The following MALT1 variants were observed in gnomAD, a reference collection of about 807,000 sequenced individuals.
MALT1 encodes MALT1 paracaspase.
Under a neutral mutation model 85.5 loss-of-function variants are expected in MALT1, and 36 were observed. That is an observed-to-expected ratio of 0.42 (90% CI 0.32 to 0.56). MALT1 has a LOEUF of 0.56. MALT1 is among the 20% of genes least tolerant of loss of function. MALT1 has a pLI of 0.10. For synonymous variants in MALT1, 359 were observed against 361.3 expected (o/e 0.99, Z 0.07); for missense variants, 716 against 981.6 (o/e 0.73, Z 3.62).
chr18:58,728,527 C>T (rs1485413611), intron 10 of MALT1, among the ~76,000 whole-genome samples: 2 of 152,132 alleles, frequency 1.3e-5, no homozygotes, highest in African/African-American at 4.8e-5. Context: ...ATAGCTTGAG[C>T]CTGTGAGGTC....
In MALT1 at chr18:58,754,178, T is replaced by G. The variant is rs573078812; in HGVS notation, c.*6336T>G. 2.0e-5 allele frequency: 3 copies of G among 152,330 alleles called. No individual in the cohort carries two copies. In the South Asian group the frequency reaches 6.2e-4, roughly 32 times the overall value. The allele number at this position is 152,330 out of a possible 1,614,324, so 9.4% of individuals were successfully genotyped here. On this transcript the variant is annotated 3_prime_UTR_variant, in exon 17 of 17. Transcript: ENST00000649217. ...GCTAGTAAGGGCAGAGCCAGGATGA[T>G]TCAGACCCAGACCAGAGCCGGGTGT...
At chr18:58,690,449 TG>T in intron 2 of MALT1, 1 of 161,490 alleles carries the variant, frequency 6.2e-6, no homozygotes. Context: ...AGCCTGTGAG[TG>T]GGGCATGCAC....
At chr18:58,707,932 G>A (rs1160254036) in intron 4 of MALT1, among the ~76,000 whole-genome samples, 1 of 152,178 alleles carries the variant, frequency 6.6e-6, no homozygotes, top group Non-Finnish European at 1.5e-5. Context: ...TACAGCTCTA[G>A]TGCCAAACTG....
chr18:58,672,246 C>T (rs1036837260), intron 1 of MALT1: 1 of 165,842 alleles, frequency 6.0e-6, no homozygotes, highest in East Asian at 1.7e-4. Context: ...GTGGACACTG[C>T]TCTGGGAGAC....
intron 6 of MALT1, 119 bp from the exon 7 acceptor site, chr18:58,710,802 T>C: frequency 1.6e-6 from 1 of 643,658 alleles, no homozygotes; most frequent in Non-Finnish European, 2.7e-6. Context: ...TTGGAGGTAT[T>C]GATGCATGTG....
At chr18:58,710,408 G>A (rs2054815891) in intron 6 of MALT1, among the ~76,000 whole-genome samples, 1 of 152,130 alleles carries the variant, frequency 6.6e-6, no homozygotes, top group Non-Finnish European at 1.5e-5. Flanking sequence ...TTTTGGCCAG[G>A]TGCAGTGGCT....
rs111451098 is a variant in MALT1, at chr18:58,738,136, A to G, written c.1603+2807A>G. ...TCCCTTCCCCCACTCCATGATAACT[A>G]CCATTCTAAACTTATTCCTTTTTCG... On this transcript the variant is annotated intron_variant, in intron 13 of 16. Transcript: ENST00000649217. Among the ~76,000 whole-genome samples the G allele has an allele frequency of 8.4e-3, 1,273 of 152,230 alleles. 18 individuals are homozygous for G. Among genetic ancestry groups the G allele is most frequent in the African/African-American group, 0.029 (1,217 of 41,526 alleles).
chr18:58,719,914 A>G (rs1487388207), intron 9 of MALT1, among the ~76,000 whole-genome samples: 4 of 133,134 alleles, frequency 3.0e-5, no homozygotes, highest in Admixed American at 6.9e-5. Flanking sequence ...AGCATTTACT[A>G]TATGCCAGCT....
At chr18:58,741,459 AAAG>A (rs2055301059) in intron 13 of MALT1, 1 of 152,488 alleles carries the variant, frequency 6.6e-6, no homozygotes, top group African/African-American at 2.4e-5. Flanking sequence ...TTTTTAAAAA[AAAG>A]AACCTTACTA....
At chr18:58,672,447 C>T (rs917813503) in intron 1 of MALT1, 1 of 152,040 alleles carries the variant, frequency 6.6e-6, no homozygotes, top group Admixed American at 6.5e-5. Context: ...AACTATTTTC[C>T]TTGTTAGGTT....
chr18:58,723,736 G>A (rs1335060169), intron 10 of MALT1, among the ~76,000 whole-genome samples: 2 of 152,032 alleles, frequency 1.3e-5, no homozygotes, highest in African/African-American at 4.8e-5. Flanking sequence ...TTGGTGGATG[G>A]GGCATATAAT....
intron 9 of MALT1, among the ~76,000 whole-genome samples, chr18:58,717,912 C>T (rs2054927117): frequency 6.6e-6 from 1 of 152,104 alleles, no homozygotes; most frequent in African/African-American, 2.4e-5. Flanking sequence ...CCATCATATT[C>T]TGTAGAGAGG....
At chr18:58,726,039 C>T (rs1351578943) in intron 10 of MALT1, among the ~76,000 whole-genome samples, 1 of 152,106 alleles carries the variant, frequency 6.6e-6, no homozygotes, top group African/African-American at 2.4e-5. Context: ...CCAGCCTGGG[C>T]AACAAAGCGA....
chr18:58,713,202 A>C (rs2054855238), intron 7 of MALT1, among the ~76,000 whole-genome samples: 1 of 152,208 alleles, frequency 6.6e-6, no homozygotes, highest in Admixed American at 6.5e-5. Flanking sequence ...AAGTATGAAT[A>C]GTATATAACA....
In MALT1 at chr18:58,695,253, AATACTCTT is replaced by A. The variant is rs2054570874; in HGVS notation, c.377-1111_377-1104del. Among the ~76,000 whole-genome samples the A allele has an allele frequency of 3.9e-5, 6 of 152,312 alleles. No individual in the cohort carries two copies. In the South Asian group the frequency reaches 1.2e-3, roughly 32 times the overall value. ...CTTTATCAGGAGTGTGAAACAGACT[AATACTCTT>A]ACCACTTGAGCCTCTCTGCAGGGCT... On this transcript the variant is annotated intron_variant, in intron 2 of 16. Coordinates refer to ENST00000649217, the MANE Select transcript of MALT1 (RefSeq NM_006785.4).
At chr18:58,739,596 C>T (rs1028702985) in intron 13 of MALT1, among the ~76,000 whole-genome samples, 2 of 152,160 alleles carry the variant, frequency 1.3e-5, no homozygotes, top group Non-Finnish European at 2.9e-5. Flanking sequence ...TGTGAATGGG[C>T]CTCATTCAGT....
chr18:58,745,822 T>C (rs1470486368), intron 16 of MALT1, 31 bp downstream of exon 16: 4 of 1,591,900 alleles, frequency 2.5e-6, no homozygotes, highest in African/African-American at 1.4e-5. Flanking sequence ...TAGCTACTAA[T>C]GGAAAACTTT....
rs1429808597 is a variant in MALT1 at position 58,750,124 on chromosome 18, A to ATT, written c.*2283_*2284insTT. On this transcript the variant is annotated 3_prime_UTR_variant, in exon 17 of 17. Transcript: ENST00000649217. ...CTAAAGAATCCATAAAAAGTAATAA[A>ATT]TGAGTTCAACAGGTTGCAGGATACA... The ATT allele has an allele frequency of 5.5e-6, 1 of 183,232 alleles. No homozygotes were observed. The allele number at this position is 183,232 out of a possible 1,614,324, so 11.4% of individuals were successfully genotyped here.
At chr18:58,695,450 G>A (rs1410145975) in intron 2 of MALT1, among the ~76,000 whole-genome samples, 1 of 152,166 alleles carries the variant, frequency 6.6e-6, no homozygotes, top group Admixed American at 6.5e-5. Flanking sequence ...CCTCAAATGA[G>A]GAATGTTTGT....
Sources: gnomAD v4.1 joint callset for allele counts (sites outside exome capture counted in the v4.1 genomes callset) on GRCh38, gnomAD v4.1.1 for gene constraint, MANE v1.5 for transcripts, NCBI Gene and HGNC (gene_info 2026-07-23, HGNC 2026-07-21) for gene names.